CCDC7: variants seen among roughly 807,000 people sequenced by gnomAD.
CCDC7 encodes the protein coiled-coil domain-containing protein 7.
Under a neutral mutation model 196.9 loss-of-function variants are expected in CCDC7, and 183 were observed. The observed-to-expected ratio is 0.93, with a 90% CI of 0.82 to 1.05. The LOEUF is 1.05. CCDC7 is among the 50% of genes least tolerant of loss of function. The pLI, the probability that CCDC7 is intolerant of heterozygous loss-of-function variation, is 0.00. For missense variants in CCDC7, 1,540 were observed against 1,482.2 expected (o/e 1.04, Z -0.64); for synonymous variants, 525 against 484.6 (o/e 1.08, Z -1.10).
At chr10:32,729,113 C>A in intron 27 of CCDC7, 116 bp downstream of exon 28, 1 of 874,838 alleles carries the variant, frequency 1.1e-6, no homozygotes, top group Non-Finnish European at 1.7e-6. Context: ...TTAACTTTGA[C>A]CTAAAGTGTG....
intron 41 of CCDC7, among the ~76,000 whole-genome samples, chr10:32,864,540 AT>A (rs1462135218): frequency 6.6e-6 from 1 of 151,258 alleles, no homozygotes; most frequent in Non-Finnish European, 1.5e-5. Flanking sequence ...AAAATCAGAA[AT>A]TTTCATAGCT....
At chr10:32,646,055 T>C (rs1050092317) in intron 20 of CCDC7, among the ~76,000 whole-genome samples, 17 of 151,716 alleles carry the variant, frequency 1.1e-4, no homozygotes, top group Non-Finnish European at 2.2e-4. Context: ...TTTATTAGTT[T>C]GTTCCTTCTA....
chr10:32,734,108 A>G (rs2084444022), intron 28 of CCDC7, among the ~76,000 whole-genome samples: 3 of 152,214 alleles, frequency 2.0e-5, no homozygotes, highest in South Asian at 2.1e-4. Flanking sequence ...AAATTATTCT[A>G]CCATAAACAT....
intron 41 of CCDC7, among the ~76,000 whole-genome samples, chr10:32,866,044 G>A (rs955983080): frequency 1.3e-5 from 2 of 151,758 alleles, no homozygotes; most frequent in African/African-American, 4.8e-5. Context: ...CGATAGGAAT[G>A]AGCACACCTA....
intron 20 of CCDC7, among the ~76,000 whole-genome samples, chr10:32,637,504 T>G (rs931992730): frequency 2.9e-4 from 44 of 152,342 alleles, no homozygotes; most frequent in African/African-American, 9.4e-4. Flanking sequence ...CCCCATTTCT[T>G]GTTTTTGTCA....
At chr10:32,627,976 T>C (rs1414046987) in intron 18 of CCDC7, among the ~76,000 whole-genome samples, 1 of 152,052 alleles carries the variant, frequency 6.6e-6, no homozygotes, top group Non-Finnish European at 1.5e-5. Context: ...GTAATTTTTT[T>C]TTCTTGTAAT....
intron 20 of CCDC7, 78 bp downstream of exon 21, chr10:32,635,236 C>A (rs1289553939): frequency 2.6e-6 from 1 of 391,428 alleles, no homozygotes; most frequent in East Asian, 3.6e-5. Context: ...ATGAATATAT[C>A]TACAACTTTT....
chr10:32,803,422 T>G (rs571312120), intron 29 of CCDC7, among the ~76,000 whole-genome samples: 1 of 152,318 alleles, frequency 6.6e-6, no homozygotes, highest in East Asian at 1.9e-4. Flanking sequence ...CTGGGTTCTC[T>G]AGGGTTAGCT....
downstream of CCDC7, chr10:32,876,594 T>C: frequency 2.4e-6 from 1 of 411,688 alleles, no homozygotes; most frequent in Non-Finnish European, 4.4e-6. Context: ...AGTTTGAAAG[T>C]TTCAAATTAC....
At chr10:32,711,789 T>C in intron 25 of CCDC7, 59 bp downstream of exon 26, 1 of 993,946 alleles carries the variant, frequency 1.0e-6, no homozygotes, top group South Asian at 1.8e-5. Context: ...AAAGAACTTT[T>C]TTCTTTGGTT....
At chr10:32,824,670 C>T in intron 32 of CCDC7, 66 bp downstream of exon 33, 1 of 1,053,730 alleles carries the variant, frequency 9.5e-7, no homozygotes, top group Non-Finnish European at 1.4e-6. Flanking sequence ...AAGTATGTAT[C>T]TCTAATGACA....
At chr10:32,845,415 A>G (rs1016522798) in intron 34 of CCDC7, 89 bp downstream of exon 35, 92 of 1,212,320 alleles carry the variant, frequency 7.6e-5, no homozygotes, top group South Asian at 4.9e-4. Context: ...TAACAAAACT[A>G]CCTATATTAT....
chr10:32,620,185 C>T (rs944762943), intron 18 of CCDC7, among the ~76,000 whole-genome samples: 5 of 151,574 alleles, frequency 3.3e-5, no homozygotes, highest in South Asian at 4.2e-4. Flanking sequence ...GACCTCCCAA[C>T]ATGCTGGGAT....
chr10:32,879,889 C>T (rs189553592), downstream of CCDC7, among the ~76,000 whole-genome samples: 4 of 152,096 alleles, frequency 2.6e-5, 1 homozygote, highest in African/African-American at 4.8e-5. Flanking sequence ...TGATCTCATT[C>T]CTTTTTATGG....
At chr10:32,737,362 G>A (rs976108324) in intron 28 of CCDC7, among the ~76,000 whole-genome samples, 4 of 152,032 alleles carry the variant, frequency 2.6e-5, no homozygotes, top group African/African-American at 9.7e-5. Flanking sequence ...GGGTAATATA[G>A]TTTAAATGTA....
chr10:32,736,527 C>A (rs2084897244), intron 28 of CCDC7, among the ~76,000 whole-genome samples: 1 of 152,026 alleles, frequency 6.6e-6, no homozygotes, highest in African/African-American at 2.4e-5. Context: ...TCTCCCAATG[C>A]TATCCCTCCC....
At chr10:32,820,923 A>G (rs1257717149) in intron 31 of CCDC7, among the ~76,000 whole-genome samples, 1 of 152,194 alleles carries the variant, frequency 6.6e-6, no homozygotes, top group Admixed American at 6.5e-5. Context: ...CTTCATGTCT[A>G]AAACACCAAA....
chr10:32,492,927 TTTC>T (rs1255531410), intron 9 of CCDC7, among the ~76,000 whole-genome samples: 1 of 152,150 alleles, frequency 6.6e-6, no homozygotes, highest in Non-Finnish European at 1.5e-5. Flanking sequence ...ACTCATTTAA[TTTC>T]TTTTTAAAAT....
rs973785417 is a variant in CCDC7 at position 32,544,889 on chromosome 10, C to CT, written c.1134+597dup. ...TTTTTCTTTTGCTACATGTTAATTT[C>CT]TTTTTTTTTGGATTTACGTTTTATT... is the stretch of plus-strand genomic sequence containing the variant. On this transcript the variant is annotated intron_variant, in intron 13 of 41. Coordinates refer to ENST00000639629, the Ensembl canonical transcript of CCDC7. Among the ~76,000 whole-genome samples, 14 of 150,904 alleles carry CT rather than the reference C, an allele frequency of 9.3e-5. No homozygotes were observed. The South Asian group carries it at 1.1e-3, about 11-fold the overall frequency.
Sources: gnomAD v4.1 joint callset for allele counts (sites outside exome capture counted in the v4.1 genomes callset) on GRCh38, gnomAD v4.1.1 for gene constraint, MANE v1.5 for transcripts, NCBI Gene and HGNC (gene_info 2026-07-23, HGNC 2026-07-21) for gene names.